The following NTRK3 variants were observed in gnomAD, a reference collection of about 807,000 sequenced individuals.
NTRK3 encodes the protein NT-3 growth factor receptor.
A neutral mutation model predicts 91.7 loss-of-function variants in NTRK3; 24 were observed. That is an observed-to-expected ratio of 0.26 (90% CI 0.19 to 0.37). The LOEUF (loss-of-function observed/expected upper bound fraction) is 0.37. Ranked by LOEUF, NTRK3 falls within the 10% of genes least tolerant of loss-of-function variation. NTRK3 has a pLI of 1.00. For synonymous variants in NTRK3, 483 were observed against 404.0 expected, an observed-to-expected ratio of 1.20 and a Z score of -2.34; for missense variants, 880 against 1,068.9, an observed-to-expected ratio of 0.82 and a Z score of 2.46.
intron 17 of NTRK3, among the ~76,000 whole-genome samples, chr15:87,889,966 A>G (rs1295560167): frequency 6.7e-6 from 1 of 149,880 alleles, no homozygotes; most frequent in Non-Finnish European, 1.5e-5. Context: ...TTATTTATTT[A>G]TTTATTTATT....
intron 14 of NTRK3, among the ~76,000 whole-genome samples, chr15:88,003,794 G>T (rs961809319): frequency 2.0e-5 from 3 of 151,326 alleles, no homozygotes; most frequent in African/African-American, 7.3e-5. Context: ...AGGCACAAGG[G>T]TGTAAGGAAC....
intron 17 of NTRK3, among the ~76,000 whole-genome samples, chr15:87,910,618 G>T (rs1314205481): frequency 6.6e-6 from 1 of 152,180 alleles, no homozygotes; most frequent in Non-Finnish European, 1.5e-5. Flanking sequence ...AAAGTAAAAA[G>T]GGGTTATAAC....
intron 13 of NTRK3, among the ~76,000 whole-genome samples, chr15:88,077,246 G>A (rs1395631420): frequency 6.6e-6 from 1 of 152,010 alleles, no homozygotes; most frequent in Non-Finnish European, 1.5e-5. Flanking sequence ...TCCCATTCCT[G>A]CTCCCTTCAC....
At chr15:87,991,563 A>G (rs1409139541) in intron 14 of NTRK3, among the ~76,000 whole-genome samples, 2 of 152,168 alleles carry the variant, frequency 1.3e-5, no homozygotes, top group Non-Finnish European at 2.9e-5. Context: ...ATTATTGTGC[A>G]TCATAACAAC....
intron 13 of NTRK3, among the ~76,000 whole-genome samples, chr15:88,125,453 T>C (rs1436786949): frequency 6.6e-6 from 1 of 152,108 alleles, no homozygotes; most frequent in Non-Finnish European, 1.5e-5. Context: ...TGATAACTTA[T>C]CAAACCTCGT....
At chr15:87,973,396 C>A (rs1442611242) in intron 14 of NTRK3, among the ~76,000 whole-genome samples, 1 of 152,164 alleles carries the variant, frequency 6.6e-6, no homozygotes, top group Non-Finnish European at 1.5e-5. Context: ...AAAAAGCAGA[C>A]AAGGGACTTA....
chr15:88,197,294 T>C (rs1307288560), intron 3 of NTRK3, among the ~76,000 whole-genome samples: 3 of 152,096 alleles, frequency 2.0e-5, no homozygotes, highest in African/African-American at 4.8e-5. Context: ...ACTTCCCTTG[T>C]CTTTTTATTT....
intron 17 of NTRK3, chr15:87,916,363 G>A: frequency 2.0e-6 from 1 of 494,998 alleles, no homozygotes; most frequent in Non-Finnish European, 3.6e-6. Context: ...ATCCTGTTAT[G>A]ACACATCCGT....
chr15:88,020,529 T>C (rs1260520364), intron 14 of NTRK3, among the ~76,000 whole-genome samples: 2 of 152,196 alleles, frequency 1.3e-5, no homozygotes, highest in Non-Finnish European at 2.9e-5. Context: ...CCCAACAGCA[T>C]ATTTATATCA....
chr15:88,085,518 A>C (rs2048420727), intron 13 of NTRK3, among the ~76,000 whole-genome samples: 1 of 152,160 alleles, frequency 6.6e-6, no homozygotes, highest in Admixed American at 6.6e-5. Context: ...CCAGCACCTT[A>C]CCGACTGCCT....
At chr15:87,894,839 T>C (rs1162805670) in intron 17 of NTRK3, among the ~76,000 whole-genome samples, 2 of 152,186 alleles carry the variant, frequency 1.3e-5, no homozygotes, top group African/African-American at 4.8e-5. Context: ...CTCTACTCTC[T>C]CCTCACTGTC....
intron 17 of NTRK3, among the ~76,000 whole-genome samples, chr15:87,922,430 G>A (rs1596264848): frequency 6.6e-6 from 1 of 152,174 alleles, no homozygotes; most frequent in African/African-American, 2.4e-5. Flanking sequence ...GCCCTCCAGA[G>A]CTCTCATATT....
chr15:88,016,956 TAAAAA>T (rs67163869), intron 14 of NTRK3, among the ~76,000 whole-genome samples: 1 of 84,316 alleles, frequency 1.2e-5, no homozygotes, highest in Non-Finnish European at 2.2e-5. Flanking sequence ...AGACGAAGCT[TAAAAA>T]AAAAAAAAAA....
intron 14 of NTRK3, among the ~76,000 whole-genome samples, chr15:88,004,094 C>T (rs1414686334): frequency 6.6e-6 from 1 of 152,116 alleles, no homozygotes; most frequent in Non-Finnish European, 1.5e-5. Flanking sequence ...TCTAGGCTTT[C>T]CCTTACCTCT....
At chr15:88,073,031 T>C (rs934027390) in intron 13 of NTRK3, 2 of 194,170 alleles carry the variant, frequency 1.0e-5, no homozygotes, top group African/African-American at 4.6e-5. Flanking sequence ...CTCAGGTAGC[T>C]TGAGGGTCAC....
chr15:88,085,733 C>T (rs1308396408), intron 13 of NTRK3, among the ~76,000 whole-genome samples: 1 of 152,212 alleles, frequency 6.6e-6, no homozygotes, highest in Non-Finnish European at 1.5e-5. Flanking sequence ...GCCCTGCCTT[C>T]CACCTAAGAC....
chr15:87,921,104 T>A (rs775070301), intron 17 of NTRK3, among the ~76,000 whole-genome samples: 22 of 152,220 alleles, frequency 1.4e-4, no homozygotes, highest in Non-Finnish European at 2.8e-4. Context: ...TCTGTACATC[T>A]AAAATTACTC....
At chr15:87,961,382 T>C (rs1025093296) in intron 14 of NTRK3, among the ~76,000 whole-genome samples, 3 of 152,260 alleles carry the variant, frequency 2.0e-5, no homozygotes, top group African/African-American at 7.2e-5. Flanking sequence ...AAACTCAAGC[T>C]AGCTATGTGG....
At chr15:87,941,380 A>G (rs937613979) in intron 14 of NTRK3, among the ~76,000 whole-genome samples, 2 of 152,204 alleles carry the variant, frequency 1.3e-5, no homozygotes, top group Non-Finnish European at 2.9e-5. Flanking sequence ...TGAAGATTAA[A>G]TGAGATAATC....
Sources: gnomAD v4.1 joint callset for allele counts (sites outside exome capture counted in the v4.1 genomes callset) on GRCh38, gnomAD v4.1.1 for gene constraint, MANE v1.5 for transcripts, NCBI Gene and HGNC (gene_info 2026-07-23, HGNC 2026-07-21) for gene names.